The following PLCE1 variants were observed in gnomAD, a reference collection of about 807,000 sequenced individuals.
PLCE1 encodes the protein 1-phosphatidylinositol 4,5-bisphosphate phosphodiesterase epsilon-1.
PLCE1 carries 119 observed loss-of-function variants against 242.8 expected under a neutral mutation model. The observed-to-expected ratio is 0.49, with a 90% confidence interval of 0.42 to 0.57. PLCE1 has a LOEUF of 0.57. Among genes scored for constraint, PLCE1 ranks in the 20% least tolerant of loss-of-function variants. PLCE1 has a pLI of 0.00. For missense variants in PLCE1, 2,441 were observed against 2,788.8 expected, an observed-to-expected ratio of 0.88 and a Z score of 2.81; for synonymous variants, 945 against 1,017.4, an observed-to-expected ratio of 0.93 and a Z score of 1.35.
chr10:94,287,441 C>T (rs1357830890), intron 22 of PLCE1: 1 of 151,028 alleles, frequency 6.6e-6, no homozygotes, highest in Admixed American at 6.6e-5. Flanking sequence ...TTTCATCATC[C>T]CAAGTCCCTT....
intron 2 of PLCE1, among the ~76,000 whole-genome samples, chr10:94,071,572 C>G (rs1302066951): frequency 1.5e-5 from 2 of 132,416 alleles, no homozygotes; most frequent in Non-Finnish European, 3.1e-5. Flanking sequence ...TCATAGTTCA[C>G]TGCAGCCTTG....
At chr10:94,236,197 T>C (rs574455957) in intron 7 of PLCE1, 77 bp downstream of exon 7, 1 of 1,266,640 alleles carries the variant, frequency 7.9e-7, no homozygotes, top group African/African-American at 1.5e-5. Context: ...CTACTTCAGC[T>C]TAGTTTCAGA....
At chr10:94,268,810 C>G in intron 16 of PLCE1, 119 bp from the exon 17 acceptor site, 1 of 701,348 alleles carries the variant, frequency 1.4e-6, no homozygotes, top group South Asian at 1.5e-5. Context: ...GACCATTTGC[C>G]CTTCTGCTTT....
At chr10:94,081,580 G>C (rs1285484618) in intron 2 of PLCE1, among the ~76,000 whole-genome samples, 1 of 152,102 alleles carries the variant, frequency 6.6e-6, no homozygotes, top group Non-Finnish European at 1.5e-5. Flanking sequence ...TATACCACTG[G>C]CTTGTTTTTC....
chr10:94,047,674 ATAGT>A (rs1291363467), intron 2 of PLCE1, among the ~76,000 whole-genome samples: 3 of 152,136 alleles, frequency 2.0e-5, no homozygotes, highest in South Asian at 2.1e-4. Flanking sequence ...TTTTGTTTAT[ATAGT>A]TAGTCATTTT....
chr10:94,233,482 A>G (rs571965172), intron 5 of PLCE1, among the ~76,000 whole-genome samples: 2 of 152,368 alleles, frequency 1.3e-5, no homozygotes, highest in East Asian at 1.9e-4. Context: ...CATAGCTGCC[A>G]GAAAAACTCA....
At chr10:94,258,154 A>T (rs1256840987) in intron 11 of PLCE1, among the ~76,000 whole-genome samples, 1 of 152,198 alleles carries the variant, frequency 6.6e-6, no homozygotes, top group Non-Finnish European at 1.5e-5. Flanking sequence ...AATTAGAGAC[A>T]GTGCCTCACT....
intron 4 of PLCE1, among the ~76,000 whole-genome samples, chr10:94,190,223 T>A (rs2048616345): frequency 6.6e-6 from 1 of 152,204 alleles, no homozygotes; most frequent in Non-Finnish European, 1.5e-5. Context: ...GAGGTTGCAG[T>A]GAGCCAAGAT....
intron 4 of PLCE1, among the ~76,000 whole-genome samples, chr10:94,174,719 G>A (rs2048078377): frequency 6.6e-6 from 1 of 152,112 alleles, no homozygotes. Flanking sequence ...CTAAATTGAA[G>A]GACATTCTAC....
At chr10:94,221,076 G>T (rs1410733067) in intron 4 of PLCE1, among the ~76,000 whole-genome samples, 1 of 152,214 alleles carries the variant, frequency 6.6e-6, no homozygotes, top group African/African-American at 2.4e-5. Context: ...GCCCTGGGGT[G>T]CAGAAAAAGG....
chr10:94,111,644 T>C (rs1467856671), intron 2 of PLCE1, among the ~76,000 whole-genome samples: 1 of 139,216 alleles, frequency 7.2e-6, no homozygotes, highest in East Asian at 2.1e-4. Flanking sequence ...GGGTCTAGAC[T>C]GAGGCATTTA....
At chr10:94,221,421 C>A (rs970989777) in intron 4 of PLCE1, among the ~76,000 whole-genome samples, 2 of 152,190 alleles carry the variant, frequency 1.3e-5, no homozygotes, top group Non-Finnish European at 2.9e-5. Context: ...TGGATGTGCA[C>A]TACACATAAA....
intron 4 of PLCE1, among the ~76,000 whole-genome samples, chr10:94,219,628 T>C (rs2049653844): frequency 6.6e-6 from 1 of 152,208 alleles, no homozygotes; most frequent in Admixed American, 6.5e-5. Context: ...GTCAGCCTTA[T>C]GTAATCTGTA....
At chr10:94,181,339 A>T (rs1194066666) in intron 4 of PLCE1, among the ~76,000 whole-genome samples, 1 of 152,100 alleles carries the variant, frequency 6.6e-6, no homozygotes, top group Non-Finnish European at 1.5e-5. Flanking sequence ...TTGGGAGGCC[A>T]ACATGGGTGG....
At chr10:94,255,914 A>ACTCTCTCTCTCT (rs111704161) in intron 11 of PLCE1, among the ~76,000 whole-genome samples, 21 of 67,322 alleles carry the variant, frequency 3.1e-4, no homozygotes, top group South Asian at 6.8e-4. Flanking sequence ...ACACACACAC[A>ACTCTCTCTCTCT]CTCTCTCTCT....
At chr10:94,140,742 C>T (rs1590109225) in intron 3 of PLCE1, among the ~76,000 whole-genome samples, 2 of 152,188 alleles carry the variant, frequency 1.3e-5, no homozygotes, top group East Asian at 3.8e-4. Context: ...AAAACGATTA[C>T]CCTTTACATG....
Position 94,245,970 on chromosome 10 carries a change from T to C in PLCE1, c.2445T>C (p.Asp815=). The C allele has an allele frequency of 6.2e-7, 1 of 1,614,114 alleles. No individual in the cohort carries two copies. The highest frequency in any genetic ancestry group is 8.5e-7 in the Non-Finnish European group (1 of 1,179,952). Residue 815 remains aspartate, a synonymous_variant, in exon 8 of 33, where the codon GAT becomes GAC. Coordinates refer to ENST00000371380, the MANE Select transcript of PLCE1 (RefSeq NM_016341.4). ...GGTTTATAATTGGAGATTTGTTGGA[T>C]TCAGACAATGACATCTTTGAGCAAT... is the stretch of plus-strand genomic sequence containing the variant. ...RWQFIIGDLL[D]SDNDIFEQSK...
intron 11 of PLCE1, among the ~76,000 whole-genome samples, chr10:94,255,908 ACACACACTCTCTCTCTCTCTCTCT>A (rs1340583964): frequency 2.1e-5 from 2 of 96,206 alleles, no homozygotes; most frequent in African/African-American, 8.2e-5. Flanking sequence ...ACACACACAC[ACACACACTCTCTCTCTCTCTCTCT>A]CTCTCTCTCT....
intron 13 of PLCE1, among the ~76,000 whole-genome samples, chr10:94,261,898 C>A (rs969194483): frequency 6.6e-6 from 1 of 151,996 alleles, no homozygotes; most frequent in Admixed American, 6.6e-5. Context: ...TCCCTAAAAC[C>A]AAAGCCTGAA....
Sources: allele counts gnomAD v4.1 joint callset (sites outside exome capture counted in the v4.1 genomes callset), GRCh38; gene constraint gnomAD v4.1.1; transcripts MANE v1.5; gene names NCBI Gene and HGNC (gene_info 2026-07-23, HGNC 2026-07-21).